Variants in RANBP2 observed in about 807,000 individuals in gnomAD.
RANBP2 encodes E3 SUMO-protein ligase RanBP2.
In RANBP2, 57 loss-of-function variants were observed where a neutral mutation model predicts 303.6. The ratio of observed to expected loss-of-function variants is 0.19; its 90% CI spans 0.15 to 0.23. The LOEUF is 0.23. Ranked by LOEUF, RANBP2 falls within the 10% of genes least tolerant of loss-of-function variation. The pLI is 1.00. For missense variants in RANBP2, 3,138 were observed against 3,780.8 expected (o/e 0.83, Z 4.46); for synonymous variants, 1,167 against 1,301.5 (o/e 0.90, Z 2.23).
At chr2:109,585,644 G>T in the RANBP2 span, 1 of 974,948 alleles carries the variant, frequency 1.0e-6, no homozygotes, top group South Asian at 1.3e-5. Context: ...CATGAGCATT[G>T]TTCTGCCCAT....
the RANBP2 span, among the ~76,000 whole-genome samples, chr2:109,350,428 T>C: frequency 6.6e-6 from 1 of 152,102 alleles, no homozygotes; most frequent in Non-Finnish European, 1.5e-5. Flanking sequence ...ATGTGGAGAA[T>C]TAGAGGCCTC....
the RANBP2 span, among the ~76,000 whole-genome samples, chr2:108,824,973 T>A: frequency 6.6e-6 from 1 of 152,210 alleles, no homozygotes; most frequent in African/African-American, 2.4e-5. Context: ...GAAATTGAGT[T>A]GTTTCAGAGG....
At chr2:109,743,986 T>A in the RANBP2 span, among the ~76,000 whole-genome samples, 1 of 99,570 alleles carries the variant, frequency 1.0e-5, no homozygotes, top group African/African-American at 2.8e-5. Flanking sequence ...TAGTATTCCA[T>A]GGTATATCTG....
the RANBP2 span, among the ~76,000 whole-genome samples, chr2:109,416,264 T>C: frequency 1.3e-5 from 2 of 152,114 alleles, no homozygotes; most frequent in Admixed American, 6.5e-5. Context: ...AAGGGGCCTG[T>C]GCACGCTGAA....
chr2:108,972,941 T>G, the RANBP2 span, among the ~76,000 whole-genome samples: 1 of 152,238 alleles, frequency 6.6e-6, no homozygotes, highest in Non-Finnish European at 1.5e-5. Flanking sequence ...CCAAAGAATT[T>G]CTTAGGAAGA....
chr2:109,267,765 C>T, the RANBP2 span, among the ~76,000 whole-genome samples: 1 of 152,248 alleles, frequency 6.6e-6, no homozygotes, highest in Admixed American at 6.5e-5. Context: ...GAACACAGTT[C>T]TGCGTCTGTC....
the RANBP2 span, chr2:108,816,217 G>A: frequency 1.5e-5 from 11 of 746,794 alleles, no homozygotes; most frequent in Admixed American, 2.9e-5. Context: ...TTGGGAGTTC[G>A]AGCTGGGCAG....
the RANBP2 span, among the ~76,000 whole-genome samples, chr2:108,915,427 G>C: frequency 6.6e-6 from 1 of 152,226 alleles, no homozygotes; most frequent in African/African-American, 2.4e-5. Context: ...GGAGGGACCA[G>C]GGCAGCTATG....
At chr2:109,049,037 A>C in the RANBP2 span, among the ~76,000 whole-genome samples, 1 of 152,368 alleles carries the variant, frequency 6.6e-6, no homozygotes, top group South Asian at 2.1e-4. Context: ...CTTTGTGAAT[A>C]AGATGGGGAA....
the RANBP2 span, among the ~76,000 whole-genome samples, chr2:109,443,111 C>T: frequency 6.6e-6 from 1 of 152,254 alleles, no homozygotes; most frequent in Non-Finnish European, 1.5e-5. Flanking sequence ...ACTATTGCTT[C>T]TAGGTGAAAT....
the RANBP2 span, among the ~76,000 whole-genome samples, chr2:109,514,819 GC>G: frequency 6.6e-6 from 1 of 152,224 alleles, no homozygotes; most frequent in East Asian, 1.9e-4. Context: ...GGAGAGGGCT[GC>G]CCCCCAGGCC....
chr2:109,124,136 G>A, the RANBP2 span, among the ~76,000 whole-genome samples: 3 of 151,374 alleles, frequency 2.0e-5, no homozygotes, highest in Non-Finnish European at 1.5e-5. Context: ...TCAGTCTCCT[G>A]AGTAGCTGGG....
chr2:109,069,993 C>T, the RANBP2 span, among the ~76,000 whole-genome samples: 2 of 152,198 alleles, frequency 1.3e-5, no homozygotes, highest in Non-Finnish European at 2.9e-5. Flanking sequence ...TATGATGTAA[C>T]AGAGCTTCTT....
At chr2:109,182,988 C>A in the RANBP2 span, among the ~76,000 whole-genome samples, 2 of 152,182 alleles carry the variant, frequency 1.3e-5, no homozygotes, top group African/African-American at 2.4e-5. Context: ...GGTCTCCTAA[C>A]AGGTTTCAGA....
chr2:108,916,816 C>A, the RANBP2 span, among the ~76,000 whole-genome samples: 3 of 152,230 alleles, frequency 2.0e-5, no homozygotes, highest in Admixed American at 2.0e-4. Flanking sequence ...CCAGACCCCA[C>A]AAGCCCCCTC....
the RANBP2 span, among the ~76,000 whole-genome samples, chr2:109,669,416 T>G: frequency 6.6e-6 from 1 of 152,010 alleles, no homozygotes; most frequent in East Asian, 1.9e-4. Context: ...ATTTTCAAAC[T>G]CCCCACCCCT....
At chr2:109,528,229 G>T in the RANBP2 span, among the ~76,000 whole-genome samples, 3 of 152,212 alleles carry the variant, frequency 2.0e-5, no homozygotes, top group Non-Finnish European at 2.9e-5. Flanking sequence ...ATGCAGGAGG[G>T]ATACCCTGTG....
At chr2:108,822,238 G>T in the RANBP2 span, among the ~76,000 whole-genome samples, 2 of 151,974 alleles carry the variant, frequency 1.3e-5, no homozygotes, top group Non-Finnish European at 2.9e-5. Context: ...TGATAAAAAG[G>T]TAAATTCACC....
At chr2:109,385,264 G>GCGACT in the RANBP2 span, among the ~76,000 whole-genome samples, 1 of 152,214 alleles carries the variant, frequency 6.6e-6, no homozygotes, top group African/African-American at 2.4e-5. Flanking sequence ...GAGACATAGT[G>GCGACT]AAGTGCACAA....
Sources: allele counts gnomAD v4.1 joint callset (sites outside exome capture counted in the v4.1 genomes callset), GRCh38; gene constraint gnomAD v4.1.1; transcripts MANE v1.5; gene names NCBI Gene and HGNC (gene_info 2026-07-23, HGNC 2026-07-21).